The following DTNA variants were observed in gnomAD, a reference collection of about 807,000 sequenced individuals.
DTNA encodes the protein dystrobrevin alpha.
In DTNA, 43 loss-of-function variants were observed where a neutral mutation model predicts 100.7. That is an observed-to-expected ratio of 0.43 (90% confidence interval 0.33 to 0.55). DTNA has a LOEUF of 0.55. DTNA is among the 20% of genes least tolerant of loss of function. The pLI, the probability that DTNA is intolerant of heterozygous loss-of-function variation, is 0.04. For synonymous variants in DTNA, 349 were observed against 347.9 expected (o/e 1.00, Z -0.04); for missense variants, 798 against 953.9 (o/e 0.84, Z 2.15).
At chr18:34,743,280 C>T (rs529090087) in intron 1 of DTNA, among the ~76,000 whole-genome samples, 9 of 152,240 alleles carry the variant, frequency 5.9e-5, no homozygotes, top group Middle Eastern at 3.4e-3. Flanking sequence ...TTTGGCTGCT[C>T]ATACCCCCGC....
intron 4 of DTNA, among the ~76,000 whole-genome samples, chr18:34,804,698 T>C (rs2095315389): frequency 1.3e-5 from 2 of 152,200 alleles, no homozygotes; most frequent in African/African-American, 4.8e-5. Context: ...AAGAGCTCTG[T>C]AAAGATAATG....
At chr18:34,587,368 TAGTC>T (rs71159878) in intron 1 of DTNA, among the ~76,000 whole-genome samples, 1 of 151,958 alleles carries the variant, frequency 6.6e-6, no homozygotes, top group Non-Finnish European at 1.5e-5. Context: ...TATGTTTCCT[TAGTC>T]AGTCTCTCTC....
intron 16 of DTNA, among the ~76,000 whole-genome samples, chr18:34,861,520 TA>T (rs1163447985): frequency 1.5e-5 from 2 of 129,862 alleles, no homozygotes. Context: ...AAAAAGAAAG[TA>T]GGTTTTAACA....
At chr18:34,671,927 A>T (rs145871648) in intron 1 of DTNA, among the ~76,000 whole-genome samples, 4 of 152,198 alleles carry the variant, frequency 2.6e-5, no homozygotes, top group African/African-American at 9.6e-5. Context: ...AGAGATTTCA[A>T]TACACTCTAT....
At chr18:34,693,465 C>T (rs2080069288) in intron 1 of DTNA, among the ~76,000 whole-genome samples, 1 of 152,150 alleles carries the variant, frequency 6.6e-6, no homozygotes, top group South Asian at 2.1e-4. Flanking sequence ...GTCTGAGTCT[C>T]CTACTACCCA....
At chr18:34,521,833 C>T (rs2042176930) in intron 1 of DTNA, among the ~76,000 whole-genome samples, 1 of 152,158 alleles carries the variant, frequency 6.6e-6, no homozygotes, top group African/African-American at 2.4e-5. Flanking sequence ...CTTTACTTTT[C>T]CTCATAGCCT....
At chr18:34,758,369 G>T (rs1007825301) in intron 2 of DTNA, among the ~76,000 whole-genome samples, 7 of 152,172 alleles carry the variant, frequency 4.6e-5, no homozygotes, top group East Asian at 1.9e-4. Context: ...AAATGTGAAA[G>T]AAAAGTTGTA....
chr18:34,816,659 GTGTTCCTACTTAT>G (rs1160686181), intron 7 of DTNA, among the ~76,000 whole-genome samples: 1 of 152,032 alleles, frequency 6.6e-6, no homozygotes. Context: ...TAATCTTTAG[GTGTTCCTACTTAT>G]TGTTCAATGT....
chr18:34,741,364 G>A (rs570692047), intron 1 of DTNA, among the ~76,000 whole-genome samples: 1 of 152,248 alleles, frequency 6.6e-6, no homozygotes, highest in South Asian at 2.1e-4. Context: ...TATCATGATA[G>A]CCACATATGT....
intron 1 of DTNA, among the ~76,000 whole-genome samples, chr18:34,553,452 C>T (rs1239567825): frequency 2.0e-5 from 3 of 151,238 alleles, no homozygotes; most frequent in South Asian, 4.2e-4. Flanking sequence ...GAAGTCCTTG[C>T]CCATGCCTAT....
chr18:34,643,857 T>C (rs2730116), intron 1 of DTNA, among the ~76,000 whole-genome samples: 17,081 of 152,170 alleles, frequency 0.11, 1,010 homozygotes, highest in African/African-American at 0.13. Flanking sequence ...TAAATATCCA[T>C]ACATTATTAA....
At chr18:34,609,242 A>ATTTTT (rs1275222200) in intron 1 of DTNA, among the ~76,000 whole-genome samples, 1 of 140,532 alleles carries the variant, frequency 7.1e-6, no homozygotes, top group African/African-American at 2.8e-5. Flanking sequence ...GACTGCTTTA[A>ATTTTT]TTCTTTTTTT....
intron 1 of DTNA, among the ~76,000 whole-genome samples, chr18:34,657,626 A>G (rs535035492): frequency 7.2e-5 from 11 of 152,304 alleles, no homozygotes; most frequent in Non-Finnish European, 1.2e-4. Context: ...TGGATACACT[A>G]AATTTTTCAT....
At chr18:34,666,586 A>T (rs1229455308) in intron 1 of DTNA, among the ~76,000 whole-genome samples, 1 of 152,114 alleles carries the variant, frequency 6.6e-6, no homozygotes, top group Non-Finnish European at 1.5e-5. Flanking sequence ...TTCATCTTGA[A>T]TTAATTTTTG....
At chr18:34,617,434 C>T (rs1199394907) in intron 1 of DTNA, among the ~76,000 whole-genome samples, 2 of 152,042 alleles carry the variant, frequency 1.3e-5, no homozygotes, top group Non-Finnish European at 2.9e-5. Flanking sequence ...ATTTATTGAT[C>T]TGGGTATGTT....
intron 4 of DTNA, among the ~76,000 whole-genome samples, chr18:34,794,719 G>T (rs574911800): frequency 2.0e-5 from 3 of 152,182 alleles, no homozygotes; most frequent in African/African-American, 7.2e-5. Context: ...TATGACTTGC[G>T]TTAAATGGAC....
intron 6 of DTNA, among the ~76,000 whole-genome samples, chr18:34,812,984 T>C (rs1290363580): frequency 6.6e-6 from 1 of 152,090 alleles, no homozygotes; most frequent in African/African-American, 2.4e-5. Context: ...TTCCAAGTGA[T>C]GTGTTTTAAC....
At chr18:34,595,109 A>G (rs2050328546) in intron 1 of DTNA, among the ~76,000 whole-genome samples, 1 of 152,248 alleles carries the variant, frequency 6.6e-6, no homozygotes, top group Non-Finnish European at 1.5e-5. Context: ...TTAACTTTGT[A>G]AATTTTCTGT....
At chr18:34,781,730 C>T (rs1046419076) in intron 3 of DTNA, among the ~76,000 whole-genome samples, 8 of 152,108 alleles carry the variant, frequency 5.3e-5, no homozygotes, top group African/African-American at 1.9e-4. Flanking sequence ...AGTGGATTTT[C>T]TGTTATTTAT....
Sources: gnomAD v4.1 joint callset for allele counts (sites outside exome capture counted in the v4.1 genomes callset) on GRCh38, gnomAD v4.1.1 for gene constraint, MANE v1.5 for transcripts, NCBI Gene and HGNC (gene_info 2026-07-23, HGNC 2026-07-21) for gene names.